Variants in ARHGAP10 observed in about 807,000 individuals in gnomAD.
The protein encoded by ARHGAP10 is Rho GTPase activating protein 10.
ARHGAP10 carries 87 observed loss-of-function variants against 108.6 expected under a neutral mutation model. The observed-to-expected ratio is 0.80, with a 90% CI of 0.67 to 0.96. The LOEUF (loss-of-function observed/expected upper bound fraction) is 0.96. ARHGAP10 is among the 40% of genes least tolerant of loss of function. The pLI is 0.00. For missense variants in ARHGAP10, 939 were observed against 954.5 expected (o/e 0.98, Z 0.21); for synonymous variants, 347 against 341.1 (o/e 1.02, Z -0.19).
chr4:147,884,779 A>C (rs1483696463), intron 10 of ARHGAP10, among the ~76,000 whole-genome samples: 2 of 152,236 alleles, frequency 1.3e-5, no homozygotes, highest in East Asian at 3.9e-4. Flanking sequence ...ACCTAGCGTC[A>C]CTAGTGCAAG....
At chr4:147,740,342 T>A (rs972966876) in intron 1 of ARHGAP10, among the ~76,000 whole-genome samples, 3 of 152,232 alleles carry the variant, frequency 2.0e-5, no homozygotes, top group Non-Finnish European at 4.4e-5. Flanking sequence ...TTGTCATTGA[T>A]GGAGCTGGAA....
intron 3 of ARHGAP10, among the ~76,000 whole-genome samples, chr4:147,835,675 A>G (rs186097154): frequency 2.0e-5 from 3 of 152,252 alleles, no homozygotes; most frequent in East Asian, 3.9e-4. Context: ...CGCCTGGCCT[A>G]TTTTATTTTC....
At chr4:148,004,206 C>T (rs146218680) in intron 18 of ARHGAP10, among the ~76,000 whole-genome samples, 246 of 152,298 alleles carry the variant, frequency 1.6e-3, no homozygotes, top group African/African-American at 5.4e-3. Flanking sequence ...AAAAAATTGA[C>T]TTAAGCTTTG....
At chr4:148,063,911 G>A (rs564242847) in intron 21 of ARHGAP10, among the ~76,000 whole-genome samples, 1 of 152,340 alleles carries the variant, frequency 6.6e-6, no homozygotes, top group Admixed American at 6.5e-5. Flanking sequence ...CGGAGGCAGG[G>A]TGTAAATACA....
At chr4:148,063,116 A>G in intron 20 of ARHGAP10, 32 bp from the exon 21 acceptor site, 2 of 1,612,448 alleles carry the variant, frequency 1.2e-6, no homozygotes, top group Non-Finnish European at 1.7e-6. Flanking sequence ...CCTTTCTGCT[A>G]TTAATCCTGT....
chr4:147,951,142 T>C (rs539253372), intron 15 of ARHGAP10, among the ~76,000 whole-genome samples: 8 of 152,276 alleles, frequency 5.3e-5, no homozygotes, highest in African/African-American at 1.2e-4. Flanking sequence ...GCTAGACATA[T>C]GGCAATGATA....
intron 3 of ARHGAP10, among the ~76,000 whole-genome samples, chr4:147,837,650 T>TTTTTTTTTGTTTTTTTTTG (rs1733229862): frequency 8.9e-6 from 1 of 112,006 alleles, no homozygotes; most frequent in Non-Finnish European, 1.8e-5. Context: ...ACTGTTTTTT[T>TTTTTTTTTGTTTTTTTTTG]TTTTTTTTTT....
At chr4:147,808,434 T>C (rs1731873210) in intron 1 of ARHGAP10, among the ~76,000 whole-genome samples, 1 of 152,114 alleles carries the variant, frequency 6.6e-6, no homozygotes, top group Non-Finnish European at 1.5e-5. Context: ...TGCAGGGTCT[T>C]TCAGGCTCTA....
chr4:147,876,815 A>G (rs1006937897), intron 8 of ARHGAP10, among the ~76,000 whole-genome samples: 2 of 152,204 alleles, frequency 1.3e-5, no homozygotes, highest in Non-Finnish European at 1.5e-5. Flanking sequence ...TTCGTATACA[A>G]CTTGTCTCAT....
intron 13 of ARHGAP10, among the ~76,000 whole-genome samples, chr4:147,914,349 C>CATTTTT (rs964081013): frequency 2.6e-5 from 4 of 152,006 alleles, no homozygotes; most frequent in Admixed American, 6.6e-5. Flanking sequence ...TGCTGCGTTG[C>CATTTTT]ATTTTTATTT....
At chr4:147,798,781 CTATATATATATATATATATA>C (rs201269477) in intron 1 of ARHGAP10, among the ~76,000 whole-genome samples, 4 of 7,242 alleles carry the variant, frequency 5.5e-4, no homozygotes, top group African/African-American at 9.4e-4. Flanking sequence ...CTCTCTCTCT[CTATATATATATATATATATA>C]TATATATATA....
chr4:147,881,177 G>A (rs1454542905), intron 9 of ARHGAP10, among the ~76,000 whole-genome samples: 1 of 152,014 alleles, frequency 6.6e-6, no homozygotes. Context: ...GGGTGGCTGA[G>A]TCACAGAGTT....
Position 147,732,307 on chromosome 4 carries a change from G to A in ARHGAP10, c.6G>A (p.Gly2=). The A allele has an allele frequency of 6.2e-7, 1 of 1,610,880 alleles. No homozygotes were observed. Among genetic ancestry groups the A allele is most frequent in the Non-Finnish European group, 8.5e-7 (1 of 1,178,756 alleles). ...GCGCAGCGACCGCTGCCGTCATGGGGCTGCAGCCCCTGGAGTTCAGCGACT... is the reference window on the plus strand; with the variant it reads ...GCGCAGCGACCGCTGCCGTCATGGGACTGCAGCCCCTGGAGTTCAGCGACT... M[G]LQPLEFSDCY... The change falls in exon 1 of 23, where the codon GGG becomes GGA. Residue 2 remains glycine, a synonymous_variant. Coordinates refer to ENST00000336498, the MANE Select transcript of ARHGAP10 (RefSeq NM_024605.4).
At chr4:147,899,207 C>T (rs573296541) in intron 10 of ARHGAP10, among the ~76,000 whole-genome samples, 13 of 152,246 alleles carry the variant, frequency 8.5e-5, no homozygotes, top group Admixed American at 2.6e-4. Flanking sequence ...TCACACCAGC[C>T]TGTGTTCTAC....
At chr4:148,037,004 A>C (rs1394881423) in intron 19 of ARHGAP10, among the ~76,000 whole-genome samples, 1 of 152,166 alleles carries the variant, frequency 6.6e-6, no homozygotes, top group East Asian at 1.9e-4. Context: ...GTCTTAGATA[A>C]TCCAGCTAGG....
chr4:147,806,996 A>G (rs1039397493), intron 1 of ARHGAP10, among the ~76,000 whole-genome samples: 1 of 152,238 alleles, frequency 6.6e-6, no homozygotes, highest in African/African-American at 2.4e-5. Context: ...AAAGGATGCT[A>G]CGCCTAATTC....
At chr4:147,893,302 C>G (rs1313845043) in intron 10 of ARHGAP10, among the ~76,000 whole-genome samples, 1 of 151,912 alleles carries the variant, frequency 6.6e-6, no homozygotes, top group Non-Finnish European at 1.5e-5. Context: ...AGGTGATCCA[C>G]CTGCCTCAGC....
At chr4:147,846,164 T>G (rs1033804715) in intron 3 of ARHGAP10, among the ~76,000 whole-genome samples, 3 of 152,186 alleles carry the variant, frequency 2.0e-5, no homozygotes, top group Non-Finnish European at 4.4e-5. Context: ...TCGCTTATTT[T>G]GAGTGTTCCC....
At chr4:148,041,057 C>A (rs1179246920) in intron 19 of ARHGAP10, among the ~76,000 whole-genome samples, 7 of 152,170 alleles carry the variant, frequency 4.6e-5, no homozygotes, top group African/African-American at 1.7e-4. Context: ...CAGCGTCCCC[C>A]AGCTAGCCAA....
Sources: gnomAD v4.1 joint callset for allele counts (sites outside exome capture counted in the v4.1 genomes callset) on GRCh38, gnomAD v4.1.1 for gene constraint, MANE v1.5 for transcripts, NCBI Gene and HGNC (gene_info 2026-07-23, HGNC 2026-07-21) for gene names.